PRKG1: variants seen among roughly 807,000 people sequenced by gnomAD.
PRKG1 encodes protein kinase cGMP-dependent 1.
Under a neutral mutation model 88.1 loss-of-function variants are expected in PRKG1, and 35 were observed. The ratio of observed to expected loss-of-function variants is 0.40; its 90% confidence interval spans 0.30 to 0.53. The LOEUF (loss-of-function observed/expected upper bound fraction) is 0.53, where lower values mean the gene tolerates loss of function less well. Among genes scored for constraint, PRKG1 ranks in the 20% least tolerant of loss-of-function variants. The pLI is 0.59. For synonymous variants in PRKG1, 303 were observed against 292.5 expected (o/e 1.04, Z -0.37); for missense variants, 540 against 839.8 (o/e 0.64, Z 4.41).
intron 9 of PRKG1, among the ~76,000 whole-genome samples, chr10:52,165,052 T>TG (rs1312193651): frequency 6.6e-6 from 1 of 152,186 alleles, no homozygotes; most frequent in Non-Finnish European, 1.5e-5. Context: ...AATTGCTTGA[T>TG]GAAAAAGTCT....
chr10:51,138,675 G>GTTT (rs71459405), intron 1 of PRKG1, among the ~76,000 whole-genome samples: 1,684 of 68,556 alleles, frequency 0.025, 553 homozygotes, highest in East Asian at 0.063. Flanking sequence ...ATTGAGTTTT[G>GTTT]TTTTTTTTTT....
intron 2 of PRKG1, among the ~76,000 whole-genome samples, chr10:51,418,518 A>C (rs1838310465): frequency 6.6e-6 from 1 of 152,194 alleles, no homozygotes; most frequent in African/African-American, 2.4e-5. Context: ...CTAACTACAG[A>C]TATATCTAGT....
intron 7 of PRKG1, among the ~76,000 whole-genome samples, chr10:52,119,221 CATGATA>C (rs1847759058): frequency 6.6e-6 from 1 of 152,012 alleles, no homozygotes; most frequent in Non-Finnish European, 1.5e-5. Context: ...CATTGAAGAC[CATGATA>C]ATTAGAACTT....
rs116613780 is a variant in PRKG1, at chr10:51,258,269, C to T, written c.478+104939C>T. Among the ~76,000 whole-genome samples the T allele has an allele frequency of 5.8e-3, 878 of 152,226 alleles. 4 individuals carry two copies. Among genetic ancestry groups the T allele is most frequent in the African/African-American group, 0.02 (835 of 41,532 alleles). ...TAATTTAGACATACAGCAAAACATT[C>T]AAAAGTCGAGACTGTAGTAAAATAA... On this transcript the variant is annotated intron_variant, in intron 2 of 17. Coordinates refer to ENST00000373980, the MANE Select transcript of PRKG1 (RefSeq NM_006258.4).
At chr10:51,354,596 C>T (rs1379211405) in intron 2 of PRKG1, among the ~76,000 whole-genome samples, 3 of 152,062 alleles carry the variant, frequency 2.0e-5, no homozygotes, top group Admixed American at 6.6e-5. Context: ...CAACTACACA[C>T]TGTACATCAG....
intron 1 of PRKG1, among the ~76,000 whole-genome samples, chr10:51,128,906 T>A (rs914383158): frequency 1.3e-5 from 2 of 152,178 alleles, no homozygotes; most frequent in Non-Finnish European, 2.9e-5. Flanking sequence ...GCCAGTACAA[T>A]GAAAACAAAT....
intron 5 of PRKG1, among the ~76,000 whole-genome samples, chr10:52,017,600 T>C (rs546725112): frequency 2.6e-5 from 4 of 152,136 alleles, no homozygotes; most frequent in African/African-American, 9.6e-5. Context: ...GGAGCAGAAG[T>C]AGAATTTGAT....
At chr10:51,322,620 A>T (rs1000871732) in intron 2 of PRKG1, among the ~76,000 whole-genome samples, 19 of 152,382 alleles carry the variant, frequency 1.2e-4, no homozygotes, top group Admixed American at 7.8e-4. Flanking sequence ...TGTGCCAAGA[A>T]GTGTGCTGTC....
intron 1 of PRKG1, among the ~76,000 whole-genome samples, chr10:51,128,618 A>G (rs776852808): frequency 4.6e-5 from 7 of 152,184 alleles, no homozygotes; most frequent in Non-Finnish European, 1.0e-4. Flanking sequence ...TTACACTTAG[A>G]CCAGGGTAAG....
intron 9 of PRKG1, among the ~76,000 whole-genome samples, chr10:52,190,122 G>A (rs2132751958): frequency 6.6e-6 from 1 of 152,228 alleles, no homozygotes; most frequent in South Asian, 2.1e-4. Context: ...AGTGGATACT[G>A]GTAACAGTGA....
chr10:51,011,773 C>T (rs144726532), intron 1 of PRKG1, among the ~76,000 whole-genome samples: 2 of 152,286 alleles, frequency 1.3e-5, no homozygotes, highest in African/African-American at 4.8e-5. Flanking sequence ...TTAACAGGGA[C>T]AGTTATTTGT....
At chr10:51,118,752 C>T (rs902092609) in intron 1 of PRKG1, among the ~76,000 whole-genome samples, 1 of 152,088 alleles carries the variant, frequency 6.6e-6, no homozygotes, top group Non-Finnish European at 1.5e-5. Flanking sequence ...TTCTATTCGT[C>T]TCTGCAGAAT....
At chr10:52,170,464 TGAC>T (rs1838635447) in intron 9 of PRKG1, among the ~76,000 whole-genome samples, 1 of 152,186 alleles carries the variant, frequency 6.6e-6, no homozygotes, top group South Asian at 2.1e-4. Flanking sequence ...ATCAGTGCAC[TGAC>T]AAGAGAGAGA....
At chr10:51,829,519 T>C (rs1839954107) in intron 4 of PRKG1, among the ~76,000 whole-genome samples, 1 of 152,190 alleles carries the variant, frequency 6.6e-6, no homozygotes, top group Non-Finnish European at 1.5e-5. Flanking sequence ...GAATATGAAT[T>C]TGATACTAAG....
intron 3 of PRKG1, among the ~76,000 whole-genome samples, chr10:51,592,707 A>C (rs1169452061): frequency 6.6e-6 from 1 of 152,172 alleles, no homozygotes; most frequent in Non-Finnish European, 1.5e-5. Context: ...ATCAGTGCAC[A>C]TTCTGGCATT....
chr10:51,475,336 G>C lies in PRKG1; in HGVS notation c.592+7500G>C, dbSNP rs537783695. Among the ~76,000 whole-genome samples the C allele has an allele frequency of 2.6e-5, 4 of 152,002 alleles. No homozygotes were observed. The East Asian group carries it at 7.8e-4, about 29-fold the overall frequency. On this transcript the variant is annotated intron_variant, in intron 3 of 17. Coordinates refer to ENST00000373980, the MANE Select transcript of PRKG1 (RefSeq NM_006258.4). Reference sequence around the variant, plus strand: ...GGCCCTCATTAGAAATGCAAAATCTGTGGCCCCTGCTCTACTGAAAGGAAA... The same window carrying C: ...GGCCCTCATTAGAAATGCAAAATCTCTGGCCCCTGCTCTACTGAAAGGAAA...
At position 51,580,365 on chromosome 10, in the gene PRKG1, G is replaced by A. The variant is rs549043219; in HGVS notation, c.592+112529G>A. Among the ~76,000 whole-genome samples the A allele has an allele frequency of 3.3e-5, 5 of 152,154 alleles. No individual in the cohort carries two copies. The East Asian group carries it at 9.7e-4, about 29-fold the overall frequency. ...CATTACAATTATTATTCTTGCATGG[G>A]AATTCTGAAATTCTGTTATCCTATA... is the stretch of plus-strand genomic sequence containing the variant. On this transcript the variant is annotated intron_variant, in intron 3 of 17. Coordinates refer to ENST00000373980, the MANE Select transcript of PRKG1 (RefSeq NM_006258.4).
intron 2 of PRKG1, among the ~76,000 whole-genome samples, chr10:51,178,637 CAA>C (rs1837264073): frequency 6.6e-6 from 1 of 152,012 alleles, no homozygotes; most frequent in East Asian, 1.9e-4. Flanking sequence ...AACCCTGTCT[CAA>C]AAAATAAAAT....
chr10:51,229,982 A>T (rs762245622), intron 2 of PRKG1, among the ~76,000 whole-genome samples: 13 of 151,772 alleles, frequency 8.6e-5, no homozygotes, highest in Non-Finnish European at 1.3e-4. Flanking sequence ...GAAATTTAGC[A>T]GTGTCTATCA....
Sources: gnomAD v4.1 joint callset for allele counts (sites outside exome capture counted in the v4.1 genomes callset) on GRCh38, gnomAD v4.1.1 for gene constraint, MANE v1.5 for transcripts, NCBI Gene and HGNC (gene_info 2026-07-23, HGNC 2026-07-21) for gene names.